PLXNA4: variants seen among roughly 807,000 people sequenced by gnomAD.
PLXNA4 encodes plexin A4.
In PLXNA4, 44 loss-of-function variants were observed where a neutral mutation model predicts 191.8. The observed-to-expected ratio is 0.23, with a 90% CI of 0.18 to 0.29. PLXNA4 has a LOEUF of 0.29. Ranked by LOEUF, PLXNA4 falls within the 10% of genes least tolerant of loss-of-function variation. The pLI is 1.00. For synonymous variants in PLXNA4, 1,082 were observed against 1,009.5 expected, an observed-to-expected ratio of 1.07 and a Z score of -1.36; for missense variants, 1,800 against 2,488.8, an observed-to-expected ratio of 0.72 and a Z score of 5.89.
intron 3 of PLXNA4, among the ~76,000 whole-genome samples, chr7:132,441,344 T>C (rs367657114): frequency 2.0e-5 from 3 of 152,214 alleles, no homozygotes; most frequent in Admixed American, 6.5e-5. Context: ...TTTTGGAAGA[T>C]TGACCAGTAA....
chr7:132,289,556 G>A (rs1800809007), intron 4 of PLXNA4, among the ~76,000 whole-genome samples: 1 of 151,846 alleles, frequency 6.6e-6, no homozygotes, highest in African/African-American at 2.4e-5. Flanking sequence ...TTTTAGAGAA[G>A]TCATCTCCCT....
At chr7:132,396,017 T>A (rs1160285570) in intron 3 of PLXNA4, among the ~76,000 whole-genome samples, 1 of 152,192 alleles carries the variant, frequency 6.6e-6, no homozygotes, top group Non-Finnish European at 1.5e-5. Context: ...TCACTGGAGA[T>A]AGACAGTGAT....
At chr7:132,514,500 T>C (rs1798861941) in intron 1 of PLXNA4, among the ~76,000 whole-genome samples, 1 of 152,222 alleles carries the variant, frequency 6.6e-6, no homozygotes, top group African/African-American at 2.4e-5. Flanking sequence ...AACATTATTC[T>C]GGAAGTTTCT....
At chr7:132,334,373 A>G (rs916449376) in intron 3 of PLXNA4, among the ~76,000 whole-genome samples, 1 of 147,416 alleles carries the variant, frequency 6.8e-6, no homozygotes, top group African/African-American at 2.5e-5. Flanking sequence ...TCCTCCTGCC[A>G]TAGCCTCCCA....
At chr7:132,405,784 A>G (rs1022916966) in intron 3 of PLXNA4, among the ~76,000 whole-genome samples, 1 of 152,198 alleles carries the variant, frequency 6.6e-6, no homozygotes, top group African/African-American at 2.4e-5. Flanking sequence ...CCCATCCTTT[A>G]GGGCAGTTTT....
Position 132,490,423 on chromosome 7 carries a change from C to CTTTTT in PLXNA4, c.1189-954_1189-950dup, listed in dbSNP as rs35467841. Among the ~76,000 whole-genome samples, 11 of 110,496 alleles carry CTTTTT rather than the reference C, an allele frequency of 1.0e-4. 1 individual carries two copies. The highest frequency in any genetic ancestry group is 1.3e-4 in the Non-Finnish European group (8 of 59,438). The allele number at this position is 110,496 out of a possible 152,430, so 72.5% of individuals were successfully genotyped here. A position where few individuals can be genotyped will look rare whatever the true frequency, so the allele number is the denominator to read the frequency against. On this transcript the variant is annotated intron_variant, in intron 2 of 31. Coordinates refer to ENST00000321063, the MANE Select transcript of PLXNA4 (RefSeq NM_020911.2). ...ATTTTATTCACTGAACCTTTTCTTCCTTTTTTTTTTTTTTTTTTTTGAGAC... is the reference window on the plus strand; with the variant it reads ...ATTTTATTCACTGAACCTTTTCTTCCTTTTTTTTTTTTTTTTTTTTTTTTTGAGAC...
chr7:132,505,925 C>T (rs1411383367), intron 2 of PLXNA4, among the ~76,000 whole-genome samples: 1 of 152,134 alleles, frequency 6.6e-6, no homozygotes, highest in Non-Finnish European at 1.5e-5. Flanking sequence ...AGGGGCATTC[C>T]CAAAGGTTGT....
intron 3 of PLXNA4, among the ~76,000 whole-genome samples, chr7:132,397,688 C>G (rs111802793): frequency 3.9e-4 from 60 of 152,328 alleles, no homozygotes; most frequent in African/African-American, 1.2e-3. Context: ...ATATGATGCT[C>G]TCCTTCAAGC....
chr7:132,264,293 C>T (rs748611099), intron 4 of PLXNA4: 1 of 152,234 alleles, frequency 6.6e-6, no homozygotes, highest in Non-Finnish European at 1.5e-5. Flanking sequence ...TCTACTTTCT[C>T]TGCAGCAGGT....
At position 132,185,532 on chromosome 7, in the gene PLXNA4, C is replaced by T; in HGVS notation, c.2994-69G>A. 3 of 1,534,842 alleles carry T rather than the reference C, an allele frequency of 2.0e-6. No individual in the cohort carries two copies. The South Asian group carries it at 3.9e-5, about 20-fold the overall frequency. On this transcript the variant is annotated intron_variant, in intron 15 of 31. Coordinates refer to ENST00000321063, the MANE Select transcript of PLXNA4 (RefSeq NM_020911.2). The stretch of plus-strand genomic sequence containing the variant: ...AGGACAGAGGTCCTGAGTCAAGGCC[C>T]TCCCACACCGCTCCCTGCATGTCAG...
rs199525355 is a variant in PLXNA4, at chr7:132,493,711, A to T, written c.1189-4237T>A. Among the ~76,000 whole-genome samples the T allele has an allele frequency of 6.1e-5, 9 of 147,726 alleles. No individual in the cohort carries two copies. In the South Asian group the frequency reaches 2.0e-3, roughly 33 times the overall value. On this transcript the variant is annotated intron_variant, in intron 2 of 31. Transcript: ENST00000321063. ...GATGGATGGATGGATAGGTGGATGG[A>T]TGGATGGATGGGTGGATGGGTGGAT...
At chr7:132,524,222 C>T (rs768389152) in intron 1 of PLXNA4, among the ~76,000 whole-genome samples, 4 of 152,120 alleles carry the variant, frequency 2.6e-5, no homozygotes, top group Non-Finnish European at 4.4e-5. Flanking sequence ...GCTGGAAGAA[C>T]GGGATGTCAA....
intron 3 of PLXNA4, among the ~76,000 whole-genome samples, chr7:132,310,606 A>G (rs1167675278): frequency 1.3e-5 from 2 of 152,266 alleles, no homozygotes; most frequent in South Asian, 4.2e-4. Flanking sequence ...CCAGCCCTAT[A>G]TGGCTCCCAT....
At chr7:132,609,855 T>C (rs1803013149) in intron 2 of PLXNA4, among the ~76,000 whole-genome samples, 1 of 152,210 alleles carries the variant, frequency 6.6e-6, no homozygotes, top group African/African-American at 2.4e-5. Flanking sequence ...CTGCGTCCTG[T>C]AGGGCCAACA....
intron 13 of PLXNA4, among the ~76,000 whole-genome samples, chr7:132,194,536 A>G (rs1392956679): frequency 6.6e-6 from 1 of 152,184 alleles, no homozygotes; most frequent in Non-Finnish European, 1.5e-5. Context: ...CAGAGAGGCA[A>G]AGCCACTTAC....
Position 132,428,290 on chromosome 7 carries a change from C to T in PLXNA4, c.1371+61002G>A, listed in dbSNP as rs1795127449. On this transcript the variant is annotated intron_variant, in intron 3 of 31. Transcript: ENST00000321063. Reference sequence around the variant, plus strand: ...TCTCATAGCAGGGACCCCATTCTACCCACTCAGGCTGAAATCAGTGGGAAG... The same window carrying T: ...TCTCATAGCAGGGACCCCATTCTACTCACTCAGGCTGAAATCAGTGGGAAG... Among the ~76,000 whole-genome samples the T allele has an allele frequency of 2.0e-5, 3 of 152,316 alleles. No homozygotes were observed. The South Asian group carries it at 6.2e-4, about 32-fold the overall frequency.
chr7:132,174,252 G>A (rs1170413468), intron 21 of PLXNA4, among the ~76,000 whole-genome samples: 1 of 152,168 alleles, frequency 6.6e-6, no homozygotes, highest in East Asian at 1.9e-4. Flanking sequence ...GACAGTAAGT[G>A]GGATAAAGTG....
chr7:132,481,289 C>T (rs75914987), intron 3 of PLXNA4, among the ~76,000 whole-genome samples: 2,990 of 152,154 alleles, frequency 0.02, 52 homozygotes, highest in Non-Finnish European at 0.027. Context: ...AAGGAGGGTT[C>T]TGAGCAACAG....
chr7:132,135,973 C>T (rs376243812), intron 30 of PLXNA4, among the ~76,000 whole-genome samples: 11 of 152,254 alleles, frequency 7.2e-5, no homozygotes, highest in South Asian at 4.1e-4. Context: ...GAATGGCCAC[C>T]GACAGCCCAG....
Sources: gnomAD v4.1 joint callset for allele counts (sites outside exome capture counted in the v4.1 genomes callset) on GRCh38, gnomAD v4.1.1 for gene constraint, MANE v1.5 for transcripts, NCBI Gene and HGNC (gene_info 2026-07-23, HGNC 2026-07-21) for gene names.